JAM2: variants seen among roughly 807,000 people sequenced by gnomAD.
JAM2 encodes the protein junctional adhesion molecule 2, also known as junctional adhesion molecule B.
A neutral mutation model predicts 42.0 loss-of-function variants in JAM2; 17 were observed. That is an observed-to-expected ratio of 0.40 (90% CI 0.28 to 0.61). JAM2 has a LOEUF of 0.61. JAM2 is among the 20% of genes least tolerant of loss of function. The pLI, the probability that JAM2 is intolerant of heterozygous loss-of-function variation, is 0.37. For missense variants in JAM2, 319 were observed against 358.3 expected (o/e 0.89, Z 0.89); for synonymous variants, 118 against 128.6 (o/e 0.92, Z 0.56).
intron 4 of JAM2, among the ~76,000 whole-genome samples, chr21:25,695,094 G>A (rs2033973313): frequency 6.6e-6 from 1 of 151,988 alleles, no homozygotes. Flanking sequence ...AGTGAACAAG[G>A]GTCTTTGGTT....
chr21:25,652,331 G>C (rs948427975), intron 1 of JAM2, among the ~76,000 whole-genome samples: 8 of 152,180 alleles, frequency 5.3e-5, no homozygotes, highest in Admixed American at 5.2e-4. Context: ...GATCGAGGCT[G>C]TGGTGAGCTG....
chr21:25,660,677 T>C (rs923314389), intron 1 of JAM2, among the ~76,000 whole-genome samples: 32 of 148,700 alleles, frequency 2.2e-4, no homozygotes, highest in African/African-American at 7.7e-4. Context: ...TACACTGTTT[T>C]ACCTATAAAC....
At chr21:25,697,999 CCTCT>C (rs149303705) in intron 4 of JAM2, among the ~76,000 whole-genome samples, 3,333 of 151,050 alleles carry the variant, frequency 0.022, 122 homozygotes, top group African/African-American at 0.076. Flanking sequence ...TCTCTCTCTC[CCTCT>C]CTCTCCCTCT....
intron 1 of JAM2, among the ~76,000 whole-genome samples, chr21:25,669,135 G>A (rs944586479): frequency 5.9e-5 from 9 of 152,144 alleles, no homozygotes; most frequent in Admixed American, 4.6e-4. Context: ...CATTTTGGGA[G>A]GCTGAAGCAA....
At chr21:25,706,173 T>A in intron 7 of JAM2, 87 bp downstream of exon 7, 1 of 912,592 alleles carries the variant, frequency 1.1e-6, no homozygotes, top group Non-Finnish European at 1.8e-6. Flanking sequence ...AGGAAGTTGT[T>A]TTTTTGTTTG....
At position 25,660,837 on chromosome 21, in the gene JAM2, C is replaced by G. The variant is rs185053245; in HGVS notation, c.67+20949C>G. Among the ~76,000 whole-genome samples the G allele has an allele frequency of 3.3e-3, 387 of 118,424 alleles. 6 individuals carry two copies. The highest frequency in any genetic ancestry group is 0.013 in the African/African-American group (369 of 28,400). 77.7% of individuals were successfully genotyped at this position (118,424 alleles called of 152,430 possible). On this transcript the variant is annotated intron_variant, in intron 1 of 9. Transcript: ENST00000480456. Reference sequence around the variant, plus strand: ...TGAGACAGAGTCTCACCCTGTTGCCCAGGCTGGAGTGTGATGGCACAGTCT... The same window carrying G: ...TGAGACAGAGTCTCACCCTGTTGCCGAGGCTGGAGTGTGATGGCACAGTCT...
At chr21:25,686,901 T>C (rs887886042) in intron 2 of JAM2, among the ~76,000 whole-genome samples, 1 of 152,232 alleles carries the variant, frequency 6.6e-6, no homozygotes. Flanking sequence ...TTGTTGCTAA[T>C]GCTTTTTATA....
intron 1 of JAM2, among the ~76,000 whole-genome samples, chr21:25,663,134 CAG>C (rs148126359): frequency 6.6e-6 from 1 of 152,132 alleles, no homozygotes; most frequent in East Asian, 1.9e-4. Flanking sequence ...TTGGAGAATG[CAG>C]AGAGCCAGAG....
intron 1 of JAM2, among the ~76,000 whole-genome samples, chr21:25,650,864 G>T (rs551841684): frequency 1.3e-5 from 2 of 151,928 alleles, no homozygotes; most frequent in Admixed American, 6.6e-5. Context: ...TAGAAATCAC[G>T]TGTATGTGTG....
Position 25,712,326 on chromosome 21 carries a change from T to C in JAM2, c.822-14T>C. On this transcript the variant is annotated splice_polypyrimidine_tract_variant and intron_variant, in intron 8 of 9. Coordinates refer to ENST00000480456, the MANE Select transcript of JAM2 (RefSeq NM_021219.4). Reference sequence around the variant, plus strand: ...ATAATGTAGTAAATATTGTCTTTTATATTCCACAAACAGGAAGAGTAATTC... The same window carrying C: ...ATAATGTAGTAAATATTGTCTTTTACATTCCACAAACAGGAAGAGTAATTC... 1 of 1,566,524 alleles carries C rather than the reference T, an allele frequency of 6.4e-7. No homozygotes were observed. Among genetic ancestry groups the C allele is most frequent in the Non-Finnish European group, 8.8e-7 (1 of 1,138,222 alleles).
intron 4 of JAM2, among the ~76,000 whole-genome samples, chr21:25,694,954 A>G (rs1250445947): frequency 6.6e-6 from 1 of 151,354 alleles, no homozygotes; most frequent in Non-Finnish European, 1.5e-5. Flanking sequence ...ACAAGACTAA[A>G]ACAGCTCCCC....
intron 1 of JAM2, among the ~76,000 whole-genome samples, chr21:25,679,245 T>G (rs1240521436): frequency 6.6e-6 from 1 of 152,264 alleles, no homozygotes; most frequent in East Asian, 1.9e-4. Context: ...TCATGTCATA[T>G]GAAAGATTTC....
intron 7 of JAM2, among the ~76,000 whole-genome samples, chr21:25,708,487 G>C (rs1233975251): frequency 6.6e-6 from 1 of 152,222 alleles, no homozygotes; most frequent in Non-Finnish European, 1.5e-5. Flanking sequence ...AGGATCGCTT[G>C]AGCGCAGAAG....
At chr21:25,687,305 C>G (rs1448723587) in intron 2 of JAM2, among the ~76,000 whole-genome samples, 1 of 152,104 alleles carries the variant, frequency 6.6e-6, no homozygotes, top group Non-Finnish European at 1.5e-5. Flanking sequence ...GAGTACTGTT[C>G]TTTTTATCAT....
At chr21:25,712,139 T>G in intron 8 of JAM2, 1 of 598,394 alleles carries the variant, frequency 1.7e-6, no homozygotes. Flanking sequence ...TTCACACTGA[T>G]GTTTTGTTGC....
chr21:25,706,198 A>C (rs2034268419), intron 7 of JAM2, 112 bp downstream of exon 7: 1 of 736,010 alleles, frequency 1.4e-6, no homozygotes, highest in Non-Finnish European at 2.4e-6. Flanking sequence ...TTTGTTTTTC[A>C]GACAGAGTCT....
chr21:25,658,411 A>C (rs1185218105), intron 1 of JAM2, among the ~76,000 whole-genome samples: 1 of 152,182 alleles, frequency 6.6e-6, no homozygotes, highest in African/African-American at 2.4e-5. Context: ...ATCTGTACCT[A>C]TCCCCTGTAT....
At position 25,643,909 on chromosome 21, in the gene JAM2, AG is replaced by A. The variant is rs1600983992; in HGVS notation, c.67+4022del. ...GTTTCCTCCTGTGGGCCTTCCTCATAGAGAAGATGTATTGGAATATAGAGGT... is the reference window on the plus strand; with the variant it reads ...GTTTCCTCCTGTGGGCCTTCCTCATAAGAAGATGTATTGGAATATAGAGGT... On this transcript the variant is annotated intron_variant, in intron 1 of 9. Coordinates refer to ENST00000480456, the MANE Select transcript of JAM2 (RefSeq NM_021219.4). 2.6e-5 allele frequency: 4 copies of A among 152,328 alleles called. No individual in the cohort carries two copies. In the East Asian group the frequency reaches 7.7e-4, roughly 29 times the overall value. The allele number at this position is 152,328 out of a possible 1,614,324, so 9.4% of individuals were successfully genotyped here.
chr21:25,689,059 A>G (rs1193976911), intron 2 of JAM2, among the ~76,000 whole-genome samples: 1 of 151,502 alleles, frequency 6.6e-6, no homozygotes, highest in East Asian at 1.9e-4. Flanking sequence ...TTGGACAGTG[A>G]AAAGAAGGGG....
Sources: allele counts gnomAD v4.1 joint callset (sites outside exome capture counted in the v4.1 genomes callset), GRCh38; gene constraint gnomAD v4.1.1; transcripts MANE v1.5; gene names NCBI Gene and HGNC (gene_info 2026-07-23, HGNC 2026-07-21).